VWA3B: variants seen among roughly 807,000 people sequenced by gnomAD.
VWA3B encodes von Willebrand factor A domain containing 3B.
Under a neutral mutation model 158.3 loss-of-function variants are expected in VWA3B, and 138 were observed. The observed-to-expected ratio is 0.87, with a 90% CI of 0.76 to 1.00. VWA3B has a LOEUF of 1.00. Among genes scored for constraint, VWA3B ranks in the 50% least tolerant of loss-of-function variants. The pLI is 0.00. For synonymous variants in VWA3B, 596 were observed against 587.3 expected, an observed-to-expected ratio of 1.01 and a Z score of -0.21; for missense variants, 1,555 against 1,565.1, an observed-to-expected ratio of 0.99 and a Z score of 0.11.
chr2:98,260,897 C>T (rs1042716795), intron 21 of VWA3B, among the ~76,000 whole-genome samples: 35 of 151,750 alleles, frequency 2.3e-4, no homozygotes, highest in African/African-American at 7.5e-4. Flanking sequence ...TTCATCCTTT[C>T]GCTTTTAACC....
chr2:98,312,235 A>G lies in VWA3B; in HGVS notation c.3771A>G (p.Leu1257=). ...AHLHFPAAGR[L]GLSSHAIIAT... ...TCCACTTCCCCGCGGCCGGGCGTCT[A>G]GGACTCAGCAGCCACGCCATCATTG... is the stretch of plus-strand genomic sequence containing the variant. Residue 1257 remains leucine, a synonymous_variant, in exon 28 of 28, where the codon CTA becomes CTG. Transcript: ENST00000477737. 6.2e-7 allele frequency: 1 copy of G among 1,614,176 alleles called. No homozygotes were observed. The highest frequency in any genetic ancestry group is 8.5e-7 in the Non-Finnish European group (1 of 1,180,024).
rs1039391764 is a variant in VWA3B at position 98,312,718 on chromosome 2, A to C, written c.*369A>C. On this transcript the variant is annotated 3_prime_UTR_variant, in exon 28 of 28. Coordinates refer to ENST00000477737, the MANE Select transcript of VWA3B (RefSeq NM_144992.5). The stretch of plus-strand genomic sequence containing the variant: ...GGATCCAAGCCCGCAATCTTGTTTT[A>C]AATTAATTATCACATCTAAATTAGA... 5.3e-6 allele frequency: 1 copy of C among 188,932 alleles called. No homozygotes were observed. Among genetic ancestry groups the C allele is most frequent in the Non-Finnish European group, 1.1e-5 (1 of 91,584 alleles). 11.7% of individuals were successfully genotyped at this position (188,932 alleles called of 1,614,324 possible).
In VWA3B at chr2:98,244,936, C is replaced by G. The variant is rs572742189; in HGVS notation, c.2674-5382C>G. On this transcript the variant is annotated intron_variant, in intron 19 of 27. Coordinates refer to ENST00000477737, the MANE Select transcript of VWA3B (RefSeq NM_144992.5). ...GCCCAAACTGGCCTGTTCATGCATC[C>G]CAGCAATTCCTTCTGCCCTTTATGG... is the stretch of plus-strand genomic sequence containing the variant. 2.1e-4 allele frequency among the ~76,000 whole-genome samples: 32 copies of G among 152,180 alleles called. No individual in the cohort carries two copies. The Middle Eastern group carries it at 0.034, about 163-fold the overall frequency.
intron 19 of VWA3B, among the ~76,000 whole-genome samples, chr2:98,244,520 C>G (rs1278697392): frequency 6.6e-6 from 1 of 151,976 alleles, no homozygotes; most frequent in Non-Finnish European, 1.5e-5. Flanking sequence ...TCTCAACTAC[C>G]AAGAATTCAA....
chr2:98,117,508 G>T (rs1055853948), intron 3 of VWA3B, among the ~76,000 whole-genome samples: 1 of 152,114 alleles, frequency 6.6e-6, no homozygotes, highest in African/African-American at 2.4e-5. Context: ...CAGGCTGCTG[G>T]CAAAAGCCTT....
intron 14 of VWA3B, among the ~76,000 whole-genome samples, chr2:98,223,897 A>C (rs1684706054): frequency 6.6e-6 from 1 of 151,896 alleles, no homozygotes; most frequent in South Asian, 2.1e-4. Context: ...TGCGTGGCTA[A>C]TTTTTTTATT....
chr2:98,089,803 G>A (rs1222894911), intron 1 of VWA3B, among the ~76,000 whole-genome samples: 1 of 151,884 alleles, frequency 6.6e-6, no homozygotes, highest in Non-Finnish European at 1.5e-5. Context: ...CTCAGATCCA[G>A]TAGAGCCAAT....
chr2:98,132,635 C>T (rs1573858964), intron 6 of VWA3B, among the ~76,000 whole-genome samples: 1 of 152,198 alleles, frequency 6.6e-6, no homozygotes, highest in Admixed American at 6.5e-5. Flanking sequence ...AGTGGAAGGT[C>T]CTGGGTGCCA....
At chr2:98,312,074 G>A (rs536295643) in intron 27 of VWA3B, 42 bp downstream of exon 27, 7 of 1,597,338 alleles carry the variant, frequency 4.4e-6, no homozygotes, top group Admixed American at 1.8e-5. Flanking sequence ...CTTATCTCAG[G>A]AACACCCTGA....
Position 98,121,367 on chromosome 2 carries a change from C to T in VWA3B, c.611C>T (p.Ala204Val). The part of the protein sequence containing the change: ...TPVTEQSIAT[A>V]ISWVEKLTVE... ...GTGACCGAACAGTCCATAGCTACTG[C>T]CATCAGTTGGGTTGAGAAACTGACG... is the stretch of plus-strand genomic sequence containing the variant. The change falls in exon 5 of 28, where the codon GCC becomes GTC. Residue 204 changes from alanine to valine, a missense_variant. Physicochemically the swap from Ala to Val is moderately conservative, Grantham distance 64. Transcript: ENST00000477737. 1 of 1,614,196 alleles carries T rather than the reference C, an allele frequency of 6.2e-7. No homozygotes were observed. The highest frequency in any genetic ancestry group is 8.5e-7 in the Non-Finnish European group (1 of 1,180,046).
At chr2:98,317,424 G>T (rs537087762), downstream of VWA3B, among the ~76,000 whole-genome samples, 1 of 152,286 alleles carries the variant, frequency 6.6e-6, no homozygotes, top group East Asian at 1.9e-4. Flanking sequence ...GGGAAGTGGG[G>T]GTCGGAGGTG....
intron 21 of VWA3B, among the ~76,000 whole-genome samples, chr2:98,256,624 T>C (rs1687164711): frequency 6.6e-6 from 1 of 152,218 alleles, no homozygotes; most frequent in Non-Finnish European, 1.5e-5. Flanking sequence ...GCTTTTTCGC[T>C]ATCATGAACT....
intron 8 of VWA3B, among the ~76,000 whole-genome samples, chr2:98,169,597 A>G (rs939599069): frequency 6.6e-6 from 1 of 152,216 alleles, no homozygotes; most frequent in Non-Finnish European, 1.5e-5. Flanking sequence ...TTATATGTCA[A>G]TTGTAGCTCA....
intron 8 of VWA3B, among the ~76,000 whole-genome samples, chr2:98,173,200 C>T (rs927530981): frequency 2.0e-5 from 3 of 152,208 alleles, no homozygotes; most frequent in East Asian, 1.9e-4. Context: ...TGGGGCAGGG[C>T]GCAGCTGGTT....
chr2:98,298,669 A>T (rs1413824573), intron 24 of VWA3B, among the ~76,000 whole-genome samples: 1 of 152,226 alleles, frequency 6.6e-6, no homozygotes, highest in Non-Finnish European at 1.5e-5. Context: ...TTGAACAAAG[A>T]ATTGAACAAT....
At chr2:98,289,615 G>T (rs994436892) in intron 22 of VWA3B, among the ~76,000 whole-genome samples, 9 of 152,250 alleles carry the variant, frequency 5.9e-5, no homozygotes, top group South Asian at 2.1e-4. Context: ...GATCATAAAG[G>T]TTCTCCTTTG....
intron 8 of VWA3B, among the ~76,000 whole-genome samples, chr2:98,172,893 A>G (rs1275206045): frequency 6.6e-6 from 1 of 152,222 alleles, no homozygotes; most frequent in Non-Finnish European, 1.5e-5. Context: ...ATTGGGGTGA[A>G]GTGAACATTC....
chr2:98,128,367 T>A lies in VWA3B; in HGVS notation c.831T>A (p.Thr277=). 4 of 1,613,990 alleles carry A rather than the reference T, an allele frequency of 2.5e-6. No homozygotes were observed. Among genetic ancestry groups the A allele is most frequent in the Non-Finnish European group, 3.4e-6 (4 of 1,179,966 alleles). The change falls in exon 6 of 28, where the codon ACT becomes ACA. Residue 277 remains threonine, a synonymous_variant. Transcript: ENST00000477737. ...CCTTCAACGCCAGAGGAGAAGGCACTATAGCTTTTCTAAAGGATCTGAGTG... is the reference window on the plus strand; with the variant it reads ...CCTTCAACGCCAGAGGAGAAGGCACAATAGCTTTTCTAAAGGATCTGAGTG... ...TVSFNARGEG[T]IAFLKDLSAK...
chr2:98,265,344 T>C (rs1421140622), intron 21 of VWA3B, among the ~76,000 whole-genome samples: 4 of 151,732 alleles, frequency 2.6e-5, no homozygotes, highest in East Asian at 1.9e-4. Context: ...ATTTCCAATT[T>C]CATCCATGTC....
Sources: allele counts gnomAD v4.1 joint callset (sites outside exome capture counted in the v4.1 genomes callset), GRCh38; gene constraint gnomAD v4.1.1; transcripts MANE v1.5; gene names NCBI Gene and HGNC (gene_info 2026-07-23, HGNC 2026-07-21).